KDM4C: variants seen among roughly 807,000 people sequenced by gnomAD.
KDM4C encodes the protein lysine demethylase 4C.
In KDM4C, 81 loss-of-function variants were observed where a neutral mutation model predicts 129.3. The observed-to-expected ratio is 0.63, with a 90% confidence interval of 0.52 to 0.75. The LOEUF is 0.75. Ranked by LOEUF, KDM4C falls within the 30% of genes least tolerant of loss-of-function variation. The pLI is 0.00. For missense variants in KDM4C, 1,457 were observed against 1,304.0 expected (o/e 1.12, Z -1.81); for synonymous variants, 573 against 456.1 (o/e 1.26, Z -3.26).
At chr9:6,801,527 G>T (rs140187091) in intron 2 of KDM4C, among the ~76,000 whole-genome samples, 1 of 150,956 alleles carries the variant, frequency 6.6e-6, no homozygotes, top group Non-Finnish European at 1.5e-5. Flanking sequence ...GTGAGCTACC[G>T]TGCCCAGCCT....
chr9:6,936,410 T>A (rs1440930409), intron 8 of KDM4C, among the ~76,000 whole-genome samples: 1 of 131,874 alleles, frequency 7.6e-6, no homozygotes, highest in Non-Finnish European at 1.5e-5. Context: ...AAAAAAAGAA[T>A]GCATATATAC....
At chr9:7,070,285 A>C (rs1245053601) in intron 17 of KDM4C, among the ~76,000 whole-genome samples, 1 of 152,186 alleles carries the variant, frequency 6.6e-6, no homozygotes, top group African/African-American at 2.4e-5. Context: ...GTGTATTGTA[A>C]ATTTCAGTAT....
At chr9:6,915,845 G>C (rs1046139257) in intron 8 of KDM4C, among the ~76,000 whole-genome samples, 10 of 152,160 alleles carry the variant, frequency 6.6e-5, no homozygotes, top group Non-Finnish European at 1.2e-4. Flanking sequence ...TCAGGTTGCA[G>C]TTTGCCATCA....
intron 5 of KDM4C, among the ~76,000 whole-genome samples, chr9:6,875,518 T>C (rs1238468714): frequency 6.6e-6 from 1 of 152,162 alleles, no homozygotes; most frequent in East Asian, 1.9e-4. Flanking sequence ...ATCTTAGAAA[T>C]GTAAGTGGGT....
At position 7,167,303 on chromosome 9, in the gene KDM4C, C is replaced by G. The variant is rs372296387; in HGVS notation, c.2901+1946C>G. On this transcript the variant is annotated intron_variant, in intron 20 of 21. Coordinates refer to ENST00000381309, the MANE Select transcript of KDM4C (RefSeq NM_015061.6). ...TCCCTGATTTTAGTACTGAAAATAA[C>G]TACATCCCAAGGGACCCTTGAGTCC... Among the ~76,000 whole-genome samples the G allele has an allele frequency of 5.5e-4, 83 of 152,284 alleles. 3 individuals are homozygous for G. The South Asian group carries it at 0.016, about 30-fold the overall frequency.
chr9:7,120,747 A>G (rs563039757), intron 18 of KDM4C, among the ~76,000 whole-genome samples: 1 of 152,326 alleles, frequency 6.6e-6, no homozygotes, highest in African/African-American at 2.4e-5. Flanking sequence ...TCACTTTACA[A>G]AGTGTTCGTT....
chr9:6,748,592 G>A (rs1466648315), intron 1 of KDM4C: 18 of 604,080 alleles, frequency 3.0e-5, no homozygotes, highest in South Asian at 2.3e-4. Flanking sequence ...TTGCCATCTT[G>A]TAAAAACATA....
intron 12 of KDM4C, among the ~76,000 whole-genome samples, chr9:7,009,363 G>A (rs543215838): frequency 3.9e-5 from 6 of 152,152 alleles, no homozygotes; most frequent in South Asian, 4.1e-4. Context: ...AAAATGGCAG[G>A]TAATTCAACC....
intron 20 of KDM4C, among the ~76,000 whole-genome samples, chr9:7,167,016 GATAA>G (rs1403125772): frequency 2.6e-5 from 4 of 152,154 alleles, no homozygotes; most frequent in Admixed American, 6.5e-5. Context: ...AGATATGACA[GATAA>G]ATAAATACCT....
chr9:7,155,977 A>G (rs1324059715), intron 19 of KDM4C, among the ~76,000 whole-genome samples: 1 of 152,218 alleles, frequency 6.6e-6, no homozygotes, highest in African/African-American at 2.4e-5. Flanking sequence ...TCCCACCAAC[A>G]GTGTAAAAGC....
chr9:7,038,873 T>C (rs192527098), intron 15 of KDM4C, among the ~76,000 whole-genome samples: 328 of 152,202 alleles, frequency 2.2e-3, no homozygotes, highest in African/African-American at 7.4e-3. Context: ...GGTTTTCTTT[T>C]CATGTGCTTA....
intron 1 of KDM4C, among the ~76,000 whole-genome samples, chr9:6,752,030 T>C (rs1038780625): frequency 2.6e-5 from 4 of 151,906 alleles, no homozygotes; most frequent in Non-Finnish European, 5.9e-5. Context: ...GTCACATTCC[T>C]GAGTTAAAAA....
At chr9:6,889,861 G>A (rs901804740) in intron 7 of KDM4C, among the ~76,000 whole-genome samples, 1 of 152,192 alleles carries the variant, frequency 6.6e-6, no homozygotes, top group African/African-American at 2.4e-5. Context: ...GGAGGCCTCT[G>A]GAGCTTGGAG....
chr9:6,893,282 AT>A, intron 8 of KDM4C, 50 bp downstream of exon 8: 3 of 1,491,904 alleles, frequency 2.0e-6, no homozygotes, highest in Non-Finnish European at 2.8e-6. Context: ...TATTCTGGTT[AT>A]TTTAGTAGGA....
At chr9:6,884,956 A>C (rs749655364) in intron 6 of KDM4C, among the ~76,000 whole-genome samples, 1 of 152,106 alleles carries the variant, frequency 6.6e-6, no homozygotes, top group Non-Finnish European at 1.5e-5. Flanking sequence ...AGACACATCC[A>C]CTCTATTTCA....
At chr9:6,779,613 G>A (rs1161940583) in intron 1 of KDM4C, among the ~76,000 whole-genome samples, 1 of 152,200 alleles carries the variant, frequency 6.6e-6, no homozygotes, top group Admixed American at 6.5e-5. Flanking sequence ...TCCTGCTGCA[G>A]CAGTGTTCTG....
intron 3 of KDM4C, among the ~76,000 whole-genome samples, chr9:6,813,756 T>C (rs1448076028): frequency 6.6e-6 from 1 of 152,186 alleles, no homozygotes; most frequent in African/African-American, 2.4e-5. Flanking sequence ...CATTAATAAT[T>C]TGGTGTACAT....
At chr9:7,165,512 G>A (rs977019327) in intron 20 of KDM4C, among the ~76,000 whole-genome samples, 155 bp downstream of exon 20, 1 of 152,204 alleles carries the variant, frequency 6.6e-6, no homozygotes, top group African/African-American at 2.4e-5. Context: ...AATGACCCAG[G>A]TCGAAACCCT....
At chr9:6,786,903 C>T (rs1436547324) in intron 1 of KDM4C, among the ~76,000 whole-genome samples, 1 of 151,918 alleles carries the variant, frequency 6.6e-6, no homozygotes, top group Non-Finnish European at 1.5e-5. Flanking sequence ...TACTTTTTTG[C>T]CCATCATATT....
Sources: allele counts gnomAD v4.1 joint callset (sites outside exome capture counted in the v4.1 genomes callset), GRCh38; gene constraint gnomAD v4.1.1; transcripts MANE v1.5; gene names NCBI Gene and HGNC (gene_info 2026-07-23, HGNC 2026-07-21).